The following MAPKAPK5 variants were observed in gnomAD, a reference collection of about 807,000 sequenced individuals.
The protein encoded by MAPKAPK5 is MAPK activated protein kinase 5, also known as MAP kinase-activated protein kinase 5.
In MAPKAPK5, 30 loss-of-function variants were observed where a neutral mutation model predicts 65.1. The ratio of observed to expected loss-of-function variants is 0.46; its 90% CI spans 0.34 to 0.63. MAPKAPK5 has a LOEUF of 0.63. MAPKAPK5 is among the 20% of genes least tolerant of loss of function. MAPKAPK5 has a pLI of 0.01. For synonymous variants in MAPKAPK5, 179 were observed against 204.6 expected, an observed-to-expected ratio of 0.87 and a Z score of 1.07; for missense variants, 433 against 581.4, an observed-to-expected ratio of 0.74 and a Z score of 2.63.
chr12:111,850,147 G>C (rs1259923617), intron 1 of MAPKAPK5, among the ~76,000 whole-genome samples: 2 of 151,948 alleles, frequency 1.3e-5, no homozygotes, highest in Non-Finnish European at 2.9e-5. Flanking sequence ...TCCTGCCTTA[G>C]CCTCCCAAGT....
intron 1 of MAPKAPK5, among the ~76,000 whole-genome samples, chr12:111,847,433 C>G (rs1418557579): frequency 6.6e-6 from 1 of 151,880 alleles, no homozygotes; most frequent in African/African-American, 2.4e-5. Context: ...TTACCTGTAT[C>G]TCTAGTCCCA....
intron 1 of MAPKAPK5, among the ~76,000 whole-genome samples, chr12:111,846,154 A>G (rs979123764): frequency 6.6e-6 from 1 of 152,238 alleles, no homozygotes; most frequent in Non-Finnish European, 1.5e-5. Context: ...AGTACTGATT[A>G]GGATGTACTG....
intron 8 of MAPKAPK5, chr12:111,882,657 G>A (rs539935747): frequency 2.5e-5 from 5 of 199,604 alleles, no homozygotes; most frequent in African/African-American, 1.2e-4. Flanking sequence ...ACTACCTGCA[G>A]ACATGGTAGT....
chr12:111,874,470 G>GGT (rs2069889306), intron 7 of MAPKAPK5, among the ~76,000 whole-genome samples: 1 of 133,398 alleles, frequency 7.5e-6, no homozygotes, highest in Non-Finnish European at 1.6e-5. Flanking sequence ...TTTGTTTTGG[G>GGT]TTTTTTTTTT....
intron 3 of MAPKAPK5, 65 bp downstream of exon 3, chr12:111,866,296 A>G: frequency 7.0e-7 from 1 of 1,424,856 alleles, no homozygotes; most frequent in East Asian, 2.4e-5. Flanking sequence ...TTTTGCAAGT[A>G]AGGCAGCTTC....
chr12:111,846,494 CTTTTTCTT>C (rs2068908788), intron 1 of MAPKAPK5, among the ~76,000 whole-genome samples: 1 of 96,544 alleles, frequency 1.0e-5, no homozygotes, highest in Non-Finnish European at 2.1e-5. Context: ...TCATAAGTTT[CTTTTTCTT>C]TTTTTTTTTT....
intron 1 of MAPKAPK5, among the ~76,000 whole-genome samples, chr12:111,850,765 C>CA (rs2069053768): frequency 6.6e-6 from 1 of 152,200 alleles, no homozygotes; most frequent in African/African-American, 2.4e-5. Context: ...TTTGTGTAAA[C>CA]ACAGTCAAGT....
intron 1 of MAPKAPK5, among the ~76,000 whole-genome samples, chr12:111,851,702 G>A (rs1366693336): frequency 6.6e-6 from 1 of 152,218 alleles, no homozygotes; most frequent in African/African-American, 2.4e-5. Context: ...CTGATAGAAT[G>A]TAGTGAAAGT....
In MAPKAPK5 at chr12:111,890,060, CTGAA is replaced by C. The variant is rs1422293510; in HGVS notation, c.1242_1245del (p.Asn414LysfsTer2). ...AATAGGAGAGAATGAAGATGAGAAA[CTGAA>C]TGAAGTAATGCAGGAGGCTTGGAAG... On this transcript the variant is annotated frameshift_variant, in exon 13 of 14. Transcript: ENST00000550735. LOFTEE classifies it high-confidence loss of function. 6.3e-7 allele frequency: 1 copy of C among 1,594,110 alleles called. No homozygotes were observed. The highest frequency in any genetic ancestry group is 8.5e-7 in the Non-Finnish European group (1 of 1,170,200).
At position 111,893,201 on chromosome 12, in the gene MAPKAPK5, A is replaced by G. The variant is rs1168828858; in HGVS notation, c.*140A>G. ...TGTATAGATTTAGGGTGCAGGACTTAATAATAGTATAGTTATTGTTTGTTT... is the reference window on the plus strand; with the variant it reads ...TGTATAGATTTAGGGTGCAGGACTTGATAATAGTATAGTTATTGTTTGTTT... On this transcript the variant is annotated 3_prime_UTR_variant, in exon 14 of 14. Coordinates refer to ENST00000550735, the MANE Select transcript of MAPKAPK5 (RefSeq NM_003668.4). 9 of 534,526 alleles carry G rather than the reference A, an allele frequency of 1.7e-5. No homozygotes were observed. Among genetic ancestry groups the G allele is most frequent in the Non-Finnish European group, 2.8e-5 (9 of 317,900 alleles). 33.1% of individuals were successfully genotyped at this position (534,526 alleles called of 1,614,324 possible).
At chr12:111,855,580 G>A (rs1207223967) in intron 1 of MAPKAPK5, among the ~76,000 whole-genome samples, 2 of 152,176 alleles carry the variant, frequency 1.3e-5, no homozygotes, top group East Asian at 1.9e-4. Flanking sequence ...TGTAATCCTC[G>A]CACTTTGGGA....
In MAPKAPK5 at chr12:111,895,820, TGC is replaced by T. The variant is rs1470911129; in HGVS notation, c.*2763_*2764del. 4 of 152,104 alleles carry T rather than the reference TGC, an allele frequency of 2.6e-5. No homozygotes were observed. The highest frequency in any genetic ancestry group is 4.4e-5 in the Non-Finnish European group (3 of 68,024). 9.4% of individuals were successfully genotyped at this position (152,104 alleles called of 1,614,324 possible). ...CTGGGATTACAGGCGTGAGCCACCG[TGC>T]GCGACCTGAATACTTTTCATGATGG... On this transcript the variant is annotated 3_prime_UTR_variant, in exon 14 of 14. Coordinates refer to ENST00000550735, the MANE Select transcript of MAPKAPK5 (RefSeq NM_003668.4).
chr12:111,853,388 G>T (rs1206397450), intron 1 of MAPKAPK5, among the ~76,000 whole-genome samples: 2 of 151,822 alleles, frequency 1.3e-5, no homozygotes, highest in Non-Finnish European at 2.9e-5. Flanking sequence ...AAAAAGAATG[G>T]AATTGTTTTC....
intron 1 of MAPKAPK5, among the ~76,000 whole-genome samples, chr12:111,844,337 C>T (rs544016655): frequency 2.0e-5 from 3 of 151,850 alleles, no homozygotes; most frequent in Non-Finnish European, 4.4e-5. Flanking sequence ...ACTACAGGCA[C>T]GTGCCACCAC....
intron 3 of MAPKAPK5, 50 bp from the exon 4 acceptor site, chr12:111,867,522 A>G: frequency 7.2e-7 from 1 of 1,397,690 alleles, no homozygotes; most frequent in South Asian, 1.2e-5. Flanking sequence ...TTTGGAGAGA[A>G]AATGTTGGTA....
intron 12 of MAPKAPK5, chr12:111,889,754 CT>C (rs1444345142): frequency 1.4e-5 from 4 of 283,128 alleles, no homozygotes; most frequent in Admixed American, 8.6e-5. Context: ...GACCAGGTGT[CT>C]TTTGTTCAGC....
chr12:111,888,445 C>G, intron 10 of MAPKAPK5, 43 bp from the exon 11 acceptor site: 1 of 1,605,804 alleles, frequency 6.2e-7, no homozygotes, highest in Non-Finnish European at 8.5e-7. Flanking sequence ...TTTTAGGTGC[C>G]CAGCAATGAA....
At chr12:111,873,404 C>T (rs748014546) in intron 7 of MAPKAPK5, among the ~76,000 whole-genome samples, 19 of 152,060 alleles carry the variant, frequency 1.2e-4, no homozygotes, top group Non-Finnish European at 1.9e-4. Flanking sequence ...GGTGCAATGG[C>T]GCGATCTCGA....
chr12:111,888,624 T>C lies in MAPKAPK5; in HGVS notation c.1100+6T>C. 1 of 1,613,124 alleles carries C rather than the reference T, an allele frequency of 6.2e-7. No individual in the cohort carries two copies. The highest frequency in any genetic ancestry group is 8.5e-7 in the Non-Finnish European group (1 of 1,179,598). ...CGGAAGAGGAAGTTACTTGGGTAAC[T>C]GAGCTTATTTCTTCGATTCTTCTTC... On this transcript the variant is annotated splice_donor_region_variant and intron_variant, in intron 11 of 13. Coordinates refer to ENST00000550735, the MANE Select transcript of MAPKAPK5 (RefSeq NM_003668.4).
Sources: gnomAD v4.1 joint callset for allele counts (sites outside exome capture counted in the v4.1 genomes callset) on GRCh38, gnomAD v4.1.1 for gene constraint, MANE v1.5 for transcripts, NCBI Gene and HGNC (gene_info 2026-07-23, HGNC 2026-07-21) for gene names.